Variants in KCND3 observed in about 807,000 individuals in gnomAD.
The protein encoded by KCND3 is A-type voltage-gated potassium channel KCND3.
KCND3 carries 9 observed loss-of-function variants against 51.1 expected under a neutral mutation model. That is an observed-to-expected ratio of 0.18 (90% CI 0.11 to 0.31). The LOEUF (loss-of-function observed/expected upper bound fraction) is 0.31. KCND3 is among the 10% of genes least tolerant of loss of function. The probability of loss-of-function intolerance (pLI) is 1.00; values close to 1 mark genes in which losing one functional copy is unlikely to be tolerated. For synonymous variants in KCND3, 349 were observed against 368.0 expected (o/e 0.95, Z 0.59); for missense variants, 526 against 903.8 (o/e 0.58, Z 5.36).
At chr1:111,819,487 A>C (rs1243269433) in intron 2 of KCND3, among the ~76,000 whole-genome samples, 3 of 152,188 alleles carry the variant, frequency 2.0e-5, no homozygotes, top group Non-Finnish European at 2.9e-5. Context: ...ACAGAATTCT[A>C]AAGTAAGATC....
intron 2 of KCND3, among the ~76,000 whole-genome samples, chr1:111,931,079 G>A (rs1398709339): frequency 1.3e-5 from 2 of 152,220 alleles, no homozygotes; most frequent in African/African-American, 4.8e-5. Context: ...AAGCACAGAA[G>A]AGTGTCTACA....
chr1:111,797,565 C>A (rs1665111132), intron 2 of KCND3, among the ~76,000 whole-genome samples: 1 of 152,154 alleles, frequency 6.6e-6, no homozygotes, highest in African/African-American at 2.4e-5. Context: ...ACAAATAAAT[C>A]CTGATGATGG....
At chr1:111,910,569 C>T (rs567302891) in intron 2 of KCND3, among the ~76,000 whole-genome samples, 41 of 152,314 alleles carry the variant, frequency 2.7e-4, no homozygotes, top group South Asian at 2.3e-3. Flanking sequence ...ATCTGCAGGG[C>T]GGCCAACAAC....
intron 2 of KCND3, among the ~76,000 whole-genome samples, chr1:111,875,660 A>C (rs778648821): frequency 2.0e-5 from 3 of 152,190 alleles, no homozygotes; most frequent in Non-Finnish European, 4.4e-5. Flanking sequence ...ACAGGGGAGA[A>C]TTAATTCTTG....
At chr1:111,869,265 A>C (rs2101709946) in intron 2 of KCND3, among the ~76,000 whole-genome samples, 1 of 152,364 alleles carries the variant, frequency 6.6e-6, no homozygotes, top group East Asian at 1.9e-4. Context: ...ACAAGCTGTC[A>C]GAATTATCAG....
At position 111,892,979 on chromosome 1, in the gene KCND3, G is replaced by A. The variant is rs532368646; in HGVS notation, c.1106+88642C>T. ...GGTGAGTTTTGCTCACCTTGGACTT[G>A]CAAACGTGATTAGACAACTTGGCTT... On this transcript the variant is annotated intron_variant, in intron 2 of 7. Transcript: ENST00000302127. Among the ~76,000 whole-genome samples the A allele has an allele frequency of 2.0e-5, 3 of 152,310 alleles. No individual in the cohort carries two copies. The East Asian group carries it at 5.8e-4, about 29-fold the overall frequency.
At chr1:111,809,465 C>T (rs185713166) in intron 2 of KCND3, among the ~76,000 whole-genome samples, 20 of 152,188 alleles carry the variant, frequency 1.3e-4, no homozygotes, top group Non-Finnish European at 2.2e-4. Context: ...CCCACCACCA[C>T]ACCCGGCTAA....
intron 2 of KCND3, among the ~76,000 whole-genome samples, chr1:111,868,020 G>T (rs1331883602): frequency 6.6e-6 from 1 of 152,212 alleles, no homozygotes; most frequent in Non-Finnish European, 1.5e-5. Flanking sequence ...TTCAATGAAA[G>T]AGGCCCATAA....
rs181620741 is a variant in KCND3 at position 111,878,475 on chromosome 1, C to T, written c.1107-91369G>A. Reference sequence around the variant, plus strand: ...CAGATGACACAGGGCCCATTTGTGGCCCCTTCTCCCCACCCCTGGCTCCTC... The same window carrying T: ...CAGATGACACAGGGCCCATTTGTGGTCCCTTCTCCCCACCCCTGGCTCCTC... On this transcript the variant is annotated intron_variant, in intron 2 of 7. Coordinates refer to ENST00000302127, the MANE Select transcript of KCND3 (RefSeq NM_001378969.1). Among the ~76,000 whole-genome samples, 14 of 152,328 alleles carry T rather than the reference C, an allele frequency of 9.2e-5. No homozygotes were observed. The South Asian group carries it at 1.2e-3, about 14-fold the overall frequency.
rs569645341 is a variant in KCND3 at position 111,840,791 on chromosome 1, G to A, written c.1107-53685C>T. ...CTCAGGCTTATGTCTGAAGATGCCC[G>A]GTGTCCCCTCCCCAGGCTATCAGTC... On this transcript the variant is annotated intron_variant, in intron 2 of 7. Coordinates refer to ENST00000302127, the MANE Select transcript of KCND3 (RefSeq NM_001378969.1). Among the ~76,000 whole-genome samples, 11 of 152,170 alleles carry A rather than the reference G, an allele frequency of 7.2e-5. No individual in the cohort carries two copies. The South Asian group carries it at 1.2e-3, about 17-fold the overall frequency.
intron 3 of KCND3, among the ~76,000 whole-genome samples, chr1:111,783,845 A>C (rs1664492380): frequency 6.6e-6 from 1 of 152,234 alleles, no homozygotes; most frequent in Non-Finnish European, 1.5e-5. Flanking sequence ...TTACTTATAC[A>C]GCAACTTGGA....
At chr1:111,842,118 G>A (rs1430051587) in intron 2 of KCND3, among the ~76,000 whole-genome samples, 1 of 152,112 alleles carries the variant, frequency 6.6e-6, no homozygotes, top group Admixed American at 6.5e-5. Context: ...GGTCCCCAGT[G>A]TCAACCAGAA....
intron 2 of KCND3, among the ~76,000 whole-genome samples, chr1:111,967,574 C>T (rs1674078220): frequency 6.6e-6 from 1 of 152,216 alleles, no homozygotes; most frequent in Non-Finnish European, 1.5e-5. Flanking sequence ...GGCCTCTCTG[C>T]AGACTTGCAT....
chr1:111,849,482 T>C (rs1387975216), intron 2 of KCND3, among the ~76,000 whole-genome samples: 1 of 152,232 alleles, frequency 6.6e-6, no homozygotes, highest in East Asian at 1.9e-4. Context: ...GGAACACCTG[T>C]GGCTTCAGGC....
intron 3 of KCND3, among the ~76,000 whole-genome samples, chr1:111,784,650 C>A (rs2101485836): frequency 6.6e-6 from 1 of 152,322 alleles, no homozygotes. Flanking sequence ...GACCTACTTG[C>A]CTTGACCCAT....
intron 2 of KCND3, among the ~76,000 whole-genome samples, chr1:111,882,505 C>G (rs1669379348): frequency 6.6e-6 from 1 of 152,212 alleles, no homozygotes; most frequent in African/African-American, 2.4e-5. Context: ...GTTCTGTGGT[C>G]TAGTCCTGCT....
chr1:111,781,864 A>T (rs118075750), intron 3 of KCND3, among the ~76,000 whole-genome samples: 1 of 152,322 alleles, frequency 6.6e-6, no homozygotes, highest in East Asian at 1.9e-4. Flanking sequence ...CTATGACAGT[A>T]GCACAGCCAA....
chr1:111,877,459 G>A (rs1669101765), intron 2 of KCND3, among the ~76,000 whole-genome samples: 2 of 152,338 alleles, frequency 1.3e-5, no homozygotes, highest in South Asian at 4.1e-4. Context: ...TTGCCTGTAG[G>A]AGGGGACTAG....
At chr1:111,829,016 C>T (rs80225831) in intron 2 of KCND3, among the ~76,000 whole-genome samples, 5,844 of 152,176 alleles carry the variant, frequency 0.038, 123 homozygotes, top group African/African-American at 0.053. Flanking sequence ...AGGAGCCACC[C>T]GCGAAACAAA....
Sources: gnomAD v4.1 joint callset for allele counts (sites outside exome capture counted in the v4.1 genomes callset) on GRCh38, gnomAD v4.1.1 for gene constraint, MANE v1.5 for transcripts, NCBI Gene and HGNC (gene_info 2026-07-23, HGNC 2026-07-21) for gene names.